Variants in NDST3 observed in about 807,000 individuals in gnomAD.
NDST3 encodes bifunctional heparan sulfate N-deacetylase/N-sulfotransferase 3.
Under a neutral mutation model 96.1 loss-of-function variants are expected in NDST3, and 58 were observed. The observed-to-expected ratio is 0.60, with a 90% CI of 0.49 to 0.75. NDST3 has a LOEUF of 0.75. NDST3 is among the 30% of genes least tolerant of loss of function. The pLI is 0.00. For missense variants in NDST3, 788 were observed against 1,034.2 expected (o/e 0.76, Z 3.27); for synonymous variants, 333 against 359.7 (o/e 0.93, Z 0.84).
chr4:118,245,188 T>G (rs907193283), intron 12 of NDST3, among the ~76,000 whole-genome samples: 1 of 152,188 alleles, frequency 6.6e-6, no homozygotes, highest in African/African-American at 2.4e-5. Flanking sequence ...AGTTTTGCCA[T>G]GAATACATCT....
intron 4 of NDST3, among the ~76,000 whole-genome samples, chr4:118,125,118 A>T (rs1462055518): frequency 6.6e-6 from 1 of 152,096 alleles, no homozygotes; most frequent in Non-Finnish European, 1.5e-5. Context: ...CAAAGCTCTC[A>T]TTCTCTAATT....
rs993048220 is a variant in NDST3 at position 118,054,766 on chromosome 4, A to G, written c.856A>G (p.Ile286Val). The change falls in exon 2 of 14, where the codon ATA (isoleucine) becomes GTA (valine). Residue 286 changes from isoleucine (I) to valine (V), a missense_variant. Around this residue, in one of 3 missense-constraint regions of NDST3, gnomAD observed 490 missense variants for 708.8 expected, o/e 0.69. Transcript: ENST00000296499. ...CTTTTGGCTGCACAAGCTCATCTTC[A>G]TAGATGCCATCTCCTTCTTATCAGG... ...LNFWLHKLIF[I>V]DAISFLSGKR... 2 of 1,613,264 alleles carry G rather than the reference A, an allele frequency of 1.2e-6. No homozygotes were observed. Among genetic ancestry groups the G allele is most frequent in the Non-Finnish European group, 1.7e-6 (2 of 1,179,476 alleles).
intron 4 of NDST3, among the ~76,000 whole-genome samples, chr4:118,119,317 T>C (rs1000092522): frequency 6.6e-5 from 10 of 152,222 alleles, no homozygotes; most frequent in Non-Finnish European, 1.5e-4. Flanking sequence ...TTGAAAGACT[T>C]GCTGGCTTAA....
Position 118,128,243 on chromosome 4 carries a change from G to A in NDST3, c.1225-9811G>A, listed in dbSNP as rs963074934. Among the ~76,000 whole-genome samples, 4 of 151,992 alleles carry A rather than the reference G, an allele frequency of 2.6e-5. No individual in the cohort carries two copies. The East Asian group carries it at 5.8e-4, about 22-fold the overall frequency. On this transcript the variant is annotated intron_variant, in intron 4 of 13. Transcript: ENST00000296499. ...TATGTTGAATAACAGTGGTGACAGTGGGCATCCTTGTTGTCTTCCAGATCT... is the reference window on the plus strand; with the variant it reads ...TATGTTGAATAACAGTGGTGACAGTAGGCATCCTTGTTGTCTTCCAGATCT...
intron 2 of NDST3, among the ~76,000 whole-genome samples, chr4:118,093,287 T>C (rs1385026402): frequency 6.6e-6 from 1 of 151,860 alleles, no homozygotes; most frequent in Admixed American, 6.6e-5. Context: ...TATCTCCTTT[T>C]CTCCTCAAAA....
chr4:118,126,538 A>G (rs866333511), intron 4 of NDST3, among the ~76,000 whole-genome samples: 47 of 8,082 alleles, frequency 5.8e-3, no homozygotes, highest in African/African-American at 7.0e-3. Flanking sequence ...ATATATACAC[A>G]TATATATATA....
chr4:118,169,071 A>G (rs970812243), intron 6 of NDST3, among the ~76,000 whole-genome samples: 1 of 152,172 alleles, frequency 6.6e-6, no homozygotes, highest in African/African-American at 2.4e-5. Context: ...ACTGTACTGT[A>G]TATTTAAATT....
At chr4:118,159,859 G>T (rs182388758) in intron 6 of NDST3, among the ~76,000 whole-genome samples, 61 of 152,216 alleles carry the variant, frequency 4.0e-4, no homozygotes, top group Non-Finnish European at 1.9e-4. Flanking sequence ...ATTTGAAATT[G>T]CCCAGGGAGC....
intron 1 of NDST3, among the ~76,000 whole-genome samples, chr4:118,051,030 C>T (rs12500561): frequency 0.051 from 7,689 of 152,092 alleles, 284 homozygotes; most frequent in Non-Finnish European, 0.076. Context: ...GACACATAGA[C>T]CAATGGAACA....
intron 6 of NDST3, among the ~76,000 whole-genome samples, chr4:118,150,070 G>C (rs868863461): frequency 6.6e-6 from 1 of 151,412 alleles, no homozygotes; most frequent in South Asian, 2.1e-4. Flanking sequence ...ATTGATTTGC[G>C]TATATTGAAC....
intron 6 of NDST3, among the ~76,000 whole-genome samples, chr4:118,144,583 A>C (rs1168835134): frequency 6.6e-6 from 1 of 152,184 alleles, no homozygotes; most frequent in Non-Finnish European, 1.5e-5. Flanking sequence ...TAGAGAAAGA[A>C]CAAATGGAAG....
At chr4:118,154,624 C>A (rs1734609256) in intron 6 of NDST3, among the ~76,000 whole-genome samples, 1 of 152,142 alleles carries the variant, frequency 6.6e-6, no homozygotes, top group Non-Finnish European at 1.5e-5. Flanking sequence ...TGACACAGAA[C>A]AAAGGACTAT....
chr4:118,143,342 T>A (rs973870356), intron 5 of NDST3, among the ~76,000 whole-genome samples: 5 of 152,140 alleles, frequency 3.3e-5, no homozygotes. Flanking sequence ...ACAACACCTA[T>A]TTTAGTTTTA....
chr4:118,062,392 G>T (rs925704680), intron 2 of NDST3, among the ~76,000 whole-genome samples: 7 of 152,022 alleles, frequency 4.6e-5, no homozygotes, highest in Admixed American at 6.6e-5. Context: ...CAGTTCCACT[G>T]GTCCCTAATA....
At chr4:118,193,544 T>C (rs776477473) in intron 6 of NDST3, 7 of 1,005,644 alleles carry the variant, frequency 7.0e-6, no homozygotes, top group Non-Finnish European at 1.1e-5. Context: ...CTCAAACGTG[T>C]TGGCGTAGAG....
chr4:118,053,624 G>A (rs1367411471), intron 1 of NDST3, 132 bp from the exon 2 acceptor site: 2 of 248,792 alleles, frequency 8.0e-6, no homozygotes, highest in Non-Finnish European at 1.5e-5. Flanking sequence ...GAGAAGAAAA[G>A]GGAGGGCTTC....
intron 4 of NDST3, among the ~76,000 whole-genome samples, chr4:118,117,591 TTTA>T (rs1228271860): frequency 3.3e-5 from 5 of 152,170 alleles, no homozygotes; most frequent in Admixed American, 3.3e-4. Context: ...TTAACATATT[TTTA>T]TTATTTCTTT....
intron 1 of NDST3, among the ~76,000 whole-genome samples, chr4:118,042,524 T>C (rs1387554334): frequency 6.6e-6 from 1 of 152,196 alleles, no homozygotes; most frequent in East Asian, 1.9e-4. Context: ...GTAAACACTG[T>C]CTTTATCAAA....
At chr4:118,238,707 T>C (rs938438730) in intron 10 of NDST3, among the ~76,000 whole-genome samples, 2 of 152,228 alleles carry the variant, frequency 1.3e-5, no homozygotes, top group Non-Finnish European at 2.9e-5. Context: ...TTGAAATTGC[T>C]TTCAGCCTAA....
Sources: allele counts gnomAD v4.1 joint callset (sites outside exome capture counted in the v4.1 genomes callset), GRCh38; gene constraint gnomAD v4.1.1; regional missense constraint gnomAD v4.1.1; transcripts MANE v1.5; gene names NCBI Gene and HGNC (gene_info 2026-07-23, HGNC 2026-07-21).